CTSO: variants seen among roughly 807,000 people sequenced by gnomAD.
CTSO encodes the protein cathepsin O.
A neutral mutation model predicts 42.4 loss-of-function variants in CTSO; 40 were observed. The observed-to-expected ratio is 0.94, with a 90% CI of 0.73 to 1.23. The LOEUF (loss-of-function observed/expected upper bound fraction) is 1.23. Among genes scored for constraint, CTSO ranks in the 50% most tolerant of loss-of-function variants. The pLI is 0.00. For missense variants in CTSO, 441 were observed against 396.0 expected (o/e 1.11, Z -0.96); for synonymous variants, 156 against 146.2 (o/e 1.07, Z -0.48).
chr4:155,937,313 C>A, intron 5 of CTSO, 49 bp downstream of exon 5: 1 of 1,465,528 alleles, frequency 6.8e-7, no homozygotes, highest in South Asian at 1.2e-5. Flanking sequence ...GTCAATAGAT[C>A]ATAAATTAAA....
intron 1 of CTSO, 61 bp from the exon 2 acceptor site, chr4:155,943,325 T>C: frequency 5.1e-6 from 5 of 973,898 alleles, no homozygotes; most frequent in Non-Finnish European, 7.9e-6. Context: ...GTAAACTGTG[T>C]ATAACTAACT....
In CTSO at chr4:155,939,524, C is replaced by T. The variant is rs917244144; in HGVS notation, c.399G>A (p.Trp133Ter). The T allele has an allele frequency of 4.3e-6, 7 of 1,613,438 alleles. No individual in the cohort carries two copies. The African/African-American group carries it at 9.4e-5, about 22-fold the overall frequency. The change falls in exon 4 of 8, where the codon TGG becomes TGA. Residue 133 changes from tryptophan (W) to a stop codon, truncating the protein, a stop_gained. Coordinates refer to ENST00000433477, the MANE Select transcript of CTSO (RefSeq NM_001334.3). LOFTEE classifies it high-confidence loss of function. ...VRNQQMCGGCWAFSVVGAVES... is the reference protein window; with the variant it reads ...VRNQQMCGGC ...CCACTGCCCCCACCACGCTGAAGGC[C>T]CAGCATCCTCCACACTGTTTAAAAA...
intron 5 of CTSO, among the ~76,000 whole-genome samples, chr4:155,934,744 T>A (rs1286959121): frequency 1.3e-5 from 2 of 152,176 alleles, no homozygotes; most frequent in African/African-American, 2.4e-5. Context: ...ATTTCTCCCA[T>A]TTGGAATGGC....
intron 1 of CTSO, among the ~76,000 whole-genome samples, chr4:155,948,790 A>G (rs1470007081): frequency 8.5e-5 from 13 of 152,194 alleles, no homozygotes; most frequent in Non-Finnish European, 5.9e-5. Context: ...GTCTTAGATA[A>G]TGCTCCGGCT....
chr4:155,935,972 T>C (rs1217889511), intron 5 of CTSO, among the ~76,000 whole-genome samples: 1 of 152,162 alleles, frequency 6.6e-6, no homozygotes, highest in East Asian at 1.9e-4. Context: ...TGCCTATTAT[T>C]CTTTTGCTTC....
rs1743469340 is a variant in CTSO at position 155,943,057 on chromosome 4, TA to T, written c.244+98del. On this transcript the variant is annotated intron_variant, in intron 2 of 7. Transcript: ENST00000433477. The stretch of plus-strand genomic sequence containing the variant: ...TAGTAGACACTTAATAAATGTTAAC[TA>T]TTACTCAATATATTAGATTTACAAT... 5.4e-6 allele frequency: 4 copies of T among 736,438 alleles called. No homozygotes were observed. The East Asian group carries it at 9.9e-5, about 18-fold the overall frequency. 45.6% of individuals were successfully genotyped at this position (736,438 alleles called of 1,614,324 possible). A position where few individuals can be genotyped will look rare whatever the true frequency, so the allele number is the denominator to read the frequency against.
At chr4:155,949,054 C>T (rs968872818) in intron 1 of CTSO, among the ~76,000 whole-genome samples, 26 of 152,280 alleles carry the variant, frequency 1.7e-4, no homozygotes, top group African/African-American at 6.0e-4. Context: ...CATTTCTCTA[C>T]AAGGAAAGTT....
At chr4:155,939,304 A>G (rs1743385521) in intron 4 of CTSO, 67 bp downstream of exon 4, 1 of 1,379,910 alleles carries the variant, frequency 7.2e-7, no homozygotes, top group African/African-American at 1.4e-5. Context: ...AACTGTTTGA[A>G]TTTTGAACAC....
intron 1 of CTSO, among the ~76,000 whole-genome samples, chr4:155,948,065 C>CTT (rs34548017): frequency 6.7e-4 from 92 of 136,464 alleles, no homozygotes; most frequent in South Asian, 2.4e-3. Context: ...CTACCTTCAC[C>CTT]TTTTTTTTGT....
At chr4:155,947,663 T>G (rs1352428730) in intron 1 of CTSO, among the ~76,000 whole-genome samples, 2 of 152,248 alleles carry the variant, frequency 1.3e-5, no homozygotes, top group Admixed American at 1.3e-4. Context: ...AATTATCAAT[T>G]CTTTTAAGTG....
At position 155,925,273 on chromosome 4, in the gene CTSO, A is replaced by G. The variant is rs1331728539; in HGVS notation, c.*763T>C. 6.6e-6 allele frequency: 1 copy of G among 152,222 alleles called. No homozygotes were observed. The highest frequency in any genetic ancestry group is 1.5e-5 in the Non-Finnish European group (1 of 68,038). 9.4% of individuals were successfully genotyped at this position (152,222 alleles called of 1,614,324 possible). A position where few individuals can be genotyped will look rare whatever the true frequency, so the allele number is the denominator to read the frequency against. ...TTGATATACTAGAGAACAAAATATT[A>G]TTCTATAGTATAAAAAGAACAAAGT... On this transcript the variant is annotated 3_prime_UTR_variant, in exon 8 of 8. Transcript: ENST00000433477.
At chr4:155,950,767 T>A (rs1273395888) in intron 1 of CTSO, among the ~76,000 whole-genome samples, 1 of 151,844 alleles carries the variant, frequency 6.6e-6, no homozygotes, top group African/African-American at 2.4e-5. Context: ...GGGATCTAGT[T>A]TGCACAGTCC....
intron 4 of CTSO, among the ~76,000 whole-genome samples, chr4:155,938,788 A>C: frequency 6.6e-6 from 1 of 151,948 alleles, no homozygotes; most frequent in Non-Finnish European, 1.5e-5. Flanking sequence ...AAAAACAAAA[A>C]ACAAAAAAAA....
intron 3 of CTSO, among the ~76,000 whole-genome samples, chr4:155,941,884 AATGT>A (rs140114165): frequency 0.016 from 2,441 of 152,298 alleles, 32 homozygotes; most frequent in South Asian, 0.048. Flanking sequence ...ACTGTTGGTA[AATGT>A]ATCCATTTTC....
At chr4:155,945,272 T>C (rs1425345640) in intron 1 of CTSO, among the ~76,000 whole-genome samples, 1 of 150,786 alleles carries the variant, frequency 6.6e-6, no homozygotes. Context: ...AATAAATAAA[T>C]AAATAAAAAA....
chr4:155,930,322 A>G (rs1048717987), intron 5 of CTSO, among the ~76,000 whole-genome samples: 1 of 152,234 alleles, frequency 6.6e-6, no homozygotes, highest in African/African-American at 2.4e-5. Context: ...GGCTACTCAA[A>G]AGTGGCTAAT....
At position 155,953,675 on chromosome 4, in the gene CTSO, G is replaced by T. The variant is rs894767820; in HGVS notation, c.135+38C>A. The stretch of plus-strand genomic sequence containing the variant: ...CCCAGACCCGGGACAGGAAGTGAGG[G>T]AGCAGGGACAGATCCCGGGGAGGCG... On this transcript the variant is annotated intron_variant, in intron 1 of 7. Coordinates refer to ENST00000433477, the MANE Select transcript of CTSO (RefSeq NM_001334.3). The T allele has an allele frequency of 1.7e-5, 21 of 1,250,406 alleles. No homozygotes were observed. The East Asian group carries it at 3.5e-4, about 21-fold the overall frequency. The allele number at this position is 1,250,406 out of a possible 1,614,324, so 77.5% of individuals were successfully genotyped here. A position where few individuals can be genotyped will look rare whatever the true frequency, so the allele number is the denominator to read the frequency against.
At chr4:155,947,030 T>G (rs1224166585) in intron 1 of CTSO, among the ~76,000 whole-genome samples, 1 of 152,092 alleles carries the variant, frequency 6.6e-6, no homozygotes, top group Non-Finnish European at 1.5e-5. Context: ...TAATTTTTTT[T>G]GTATTTTTTT....
chr4:155,947,485 T>C (rs759377627), intron 1 of CTSO, among the ~76,000 whole-genome samples: 2 of 152,182 alleles, frequency 1.3e-5, no homozygotes, highest in Non-Finnish European at 2.9e-5. Context: ...ATCAATATTA[T>C]CTATTGAAAG....
Sources: gnomAD v4.1 joint callset for allele counts (sites outside exome capture counted in the v4.1 genomes callset) on GRCh38, gnomAD v4.1.1 for gene constraint, MANE v1.5 for transcripts, NCBI Gene and HGNC (gene_info 2026-07-23, HGNC 2026-07-21) for gene names.